Variants in MGAM observed in about 807,000 individuals in gnomAD.
The protein encoded by MGAM is alpha-1,4-glucosidase.
Under a neutral mutation model 358.8 loss-of-function variants are expected in MGAM, and 253 were observed. The observed-to-expected ratio is 0.71, with a 90% CI of 0.64 to 0.78. MGAM has a LOEUF of 0.78. Among genes scored for constraint, MGAM ranks in the 30% least tolerant of loss-of-function variants. The pLI, the probability that MGAM is intolerant of heterozygous loss-of-function variation, is 0.00. For missense variants in MGAM, 3,080 were observed against 3,432.6 expected, an observed-to-expected ratio of 0.90 and a Z score of 2.57; for synonymous variants, 1,105 against 1,227.1, an observed-to-expected ratio of 0.90 and a Z score of 2.08.
At chr7:142,042,241 T>C (rs1584975394) in intron 21 of MGAM, among the ~76,000 whole-genome samples, 3 of 2,752 alleles carry the variant, frequency 1.1e-3, no homozygotes, top group East Asian at 0.024. Context: ...TAACATATAT[T>C]ATATATACAT....
intron 3 of MGAM, among the ~76,000 whole-genome samples, chr7:142,017,137 C>CT (rs1163204391): frequency 6.6e-6 from 1 of 152,052 alleles, no homozygotes; most frequent in African/African-American, 2.4e-5. Context: ...ATAAACATGT[C>CT]TTTTTTCTTA....
chr7:142,055,065 T>C (rs1811366650), intron 27 of MGAM, among the ~76,000 whole-genome samples, 157 bp downstream of exon 27: 1 of 152,204 alleles, frequency 6.6e-6, no homozygotes, highest in Admixed American at 6.5e-5. Context: ...ACAGGAAATC[T>C]TTAGCATTCT....
At chr7:142,101,792 C>T (rs1303284067) in intron 68 of MGAM, among the ~76,000 whole-genome samples, 1 of 151,798 alleles carries the variant, frequency 6.6e-6, no homozygotes, top group Non-Finnish European at 1.5e-5. Context: ...CCTGTAATCC[C>T]AGCTACTTGG....
At chr7:142,053,054 T>G in intron 26 of MGAM, 70 bp downstream of exon 26, 3 of 1,496,152 alleles carry the variant, frequency 2.0e-6, no homozygotes, top group Non-Finnish European at 2.8e-6. Flanking sequence ...TTGGTCTGGA[T>G]CACAGAACCC....
At chr7:142,018,209 C>G (rs752108262) in intron 3 of MGAM, among the ~76,000 whole-genome samples, 1 of 152,118 alleles carries the variant, frequency 6.6e-6, no homozygotes, top group Non-Finnish European at 1.5e-5. Context: ...ATGGGATGAT[C>G]GTTTTCAAGC....
At chr7:142,044,568 A>G (rs1163332035) in intron 21 of MGAM, among the ~76,000 whole-genome samples, 1 of 109,758 alleles carries the variant, frequency 9.1e-6, no homozygotes, top group Non-Finnish European at 1.8e-5. Flanking sequence ...ATACACGTGT[A>G]ATATATGATA....
intron 21 of MGAM, among the ~76,000 whole-genome samples, chr7:142,043,996 C>A (rs1258276352): frequency 8.0e-6 from 1 of 125,676 alleles, no homozygotes; most frequent in Non-Finnish European, 1.6e-5. Context: ...ACATTATATA[C>A]ACATACGACG....
chr7:142,053,399 C>T (rs145469241), intron 26 of MGAM, among the ~76,000 whole-genome samples: 2 of 151,890 alleles, frequency 1.3e-5, no homozygotes, highest in South Asian at 2.1e-4. Context: ...GAATGATGAC[C>T]GTGTTGGTAT....
At chr7:142,063,647 G>A (rs1191863622) in intron 36 of MGAM, 61 bp downstream of exon 36, 3 of 1,568,598 alleles carry the variant, frequency 1.9e-6, no homozygotes, top group Admixed American at 3.7e-5. Context: ...CACTGGAGGA[G>A]CCCGAGGCCA....
intron 22 of MGAM, among the ~76,000 whole-genome samples, chr7:142,048,516 A>AGGTTTTTTTTTTTTTTTTTTTTTTTT (rs1810627982): frequency 6.6e-6 from 1 of 151,944 alleles, no homozygotes; most frequent in Non-Finnish European, 1.5e-5. Context: ...CCGTAACCCA[A>AGGTTTTTTTTTTTTTTTTTTTTTTTT]TGTTAATGTC....
intron 13 of MGAM, 112 bp from the exon 14 acceptor site, chr7:142,032,713 C>A (rs1424265508): frequency 4.7e-6 from 3 of 636,922 alleles, no homozygotes; most frequent in South Asian, 2.2e-5. Context: ...ATACAAATAC[C>A]CCTTTAAAAT....
At chr7:142,025,221 A>C (rs1281329575) in intron 8 of MGAM, 72 bp downstream of exon 8, 1 of 1,165,626 alleles carries the variant, frequency 8.6e-7, no homozygotes, top group African/African-American at 1.5e-5. Flanking sequence ...ACTATGATAA[A>C]AGGAATGGAT....
In MGAM at chr7:142,043,079, A is replaced by C. The variant is rs1345599929; in HGVS notation, c.2498+2233A>C. On this transcript the variant is annotated intron_variant, in intron 21 of 70. Transcript: ENST00000475668. Reference sequence around the variant, plus strand: ...TATTATATATACATATAATATCTAAATATAATATATATATTATATATACAT... The same window carrying C: ...TATTATATATACATATAATATCTAACTATAATATATATATTATATATACAT... 5.9e-5 allele frequency among the ~76,000 whole-genome samples: 4 copies of C among 67,416 alleles called. No homozygotes were observed. In the South Asian group the frequency reaches 2.0e-3, roughly 34 times the overall value. 44.2% of individuals were successfully genotyped at this position (67,416 alleles called of 152,430 possible). A position where few individuals can be genotyped will look rare whatever the true frequency, so the allele number is the denominator to read the frequency against.
chr7:142,064,248 A>G, intron 36 of MGAM, 136 bp from the exon 37 acceptor site: 1 of 1,323,054 alleles, frequency 7.6e-7, no homozygotes, highest in East Asian at 2.5e-5. Context: ...CGCTGTGCTC[A>G]TGTCTCTGGG....
In MGAM at chr7:142,083,033, C is replaced by T. The variant is rs570902942; in HGVS notation, c.6269-268C>T. ...ATGTAACAAATGTGAACATGTACCT[C>T]CTTATCCAAAATAAAAGTTGAAATG... is the stretch of plus-strand genomic sequence containing the variant. On this transcript the variant is annotated intron_variant, in intron 52 of 70. Coordinates refer to ENST00000475668, the MANE Select transcript of MGAM (RefSeq NM_001365693.1). 3.2e-3 allele frequency among the ~76,000 whole-genome samples: 462 copies of T among 145,962 alleles called. 20 individuals are homozygous for T. The highest frequency in any genetic ancestry group is 9.7e-3 in the African/African-American group (398 of 41,116).
intron 21 of MGAM, among the ~76,000 whole-genome samples, chr7:142,044,098 T>G (rs1269415572): frequency 7.0e-6 from 1 of 143,370 alleles, no homozygotes; most frequent in Non-Finnish European, 1.5e-5. Flanking sequence ...ATACGACGTA[T>G]AATATATACA....
At chr7:142,056,266 T>C (rs866225140) in intron 29 of MGAM, among the ~76,000 whole-genome samples, 170 bp downstream of exon 29, 1 of 152,226 alleles carries the variant, frequency 6.6e-6, no homozygotes, top group African/African-American at 2.4e-5. Context: ...TCTAATATCA[T>C]GTAATAAGAA....
At chr7:142,104,137 C>A in intron 70 of MGAM, among the ~76,000 whole-genome samples, 1 of 152,164 alleles carries the variant, frequency 6.6e-6, no homozygotes, top group African/African-American at 2.4e-5. Flanking sequence ...CAGGCGTGAG[C>A]CACTGTGCCC....
intron 15 of MGAM, 55 bp downstream of exon 15, chr7:142,034,434 T>A: frequency 7.9e-7 from 1 of 1,266,624 alleles, no homozygotes; most frequent in Non-Finnish European, 1.1e-6. Context: ...AATATATATA[T>A]GTTTTTAATT....
Sources: allele counts gnomAD v4.1 joint callset (sites outside exome capture counted in the v4.1 genomes callset), GRCh38; gene constraint gnomAD v4.1.1; transcripts MANE v1.5; gene names NCBI Gene and HGNC (gene_info 2026-07-23, HGNC 2026-07-21).